NRG1: variants seen among roughly 807,000 people sequenced by gnomAD.
NRG1 encodes the protein pro-neuregulin-1, membrane-bound isoform.
A neutral mutation model predicts 63.8 loss-of-function variants in NRG1; 18 were observed. The observed-to-expected ratio is 0.28, with a 90% confidence interval of 0.19 to 0.42. NRG1 has a LOEUF of 0.42. Ranked by LOEUF, NRG1 falls within the 10% of genes least tolerant of loss-of-function variation. The pLI, the probability that NRG1 is intolerant of heterozygous loss-of-function variation, is 1.00. For missense variants in NRG1, 762 were observed against 814.7 expected (o/e 0.94, Z 0.79); for synonymous variants, 302 against 301.3 (o/e 1.00, Z -0.02).
rs114963048 is a variant in NRG1 at position 31,818,225 on chromosome 8, G to A, written c.37+178794G>A. 2.0e-3 allele frequency among the ~76,000 whole-genome samples: 312 copies of A among 152,268 alleles called. 3 individuals are homozygous for A. Among genetic ancestry groups the A allele is most frequent in the African/African-American group, 7.2e-3 (299 of 41,550 alleles). On this transcript the variant is annotated intron_variant, in intron 1 of 10. Coordinates refer to the NRG1 transcript ENST00000519301. ...CTAGTTTGTGCATACTTATTGTCAG[G>A]TGCTGGGTCAAATTAAATTGGAATG...
intron 1 of NRG1, among the ~76,000 whole-genome samples, chr8:32,039,217 T>C (rs1364029601): frequency 3.9e-5 from 6 of 152,242 alleles, no homozygotes; most frequent in Admixed American, 3.3e-4. Flanking sequence ...AATCAGATAC[T>C]GTACATAAAA....
chr8:32,460,862 A>C (rs906303679), intron 1 of NRG1, among the ~76,000 whole-genome samples: 3 of 152,036 alleles, frequency 2.0e-5, no homozygotes, highest in African/African-American at 7.2e-5. Context: ...AAAGCCAACC[A>C]CTCGTTCTAT....
intron 1 of NRG1, among the ~76,000 whole-genome samples, chr8:31,810,944 T>C (rs897177846): frequency 1.3e-5 from 2 of 152,208 alleles, no homozygotes; most frequent in Non-Finnish European, 2.9e-5. Flanking sequence ...AGTCAGATAA[T>C]TCTTTTCTTT....
chr8:32,088,150 G>T (rs1828558533), intron 1 of NRG1, among the ~76,000 whole-genome samples: 1 of 152,164 alleles, frequency 6.6e-6, no homozygotes, highest in Non-Finnish European at 1.5e-5. Flanking sequence ...AGTACCTCAT[G>T]ATAGCCCTTC....
chr8:31,685,664 C>A (rs923638866), intron 1 of NRG1, among the ~76,000 whole-genome samples: 2 of 152,252 alleles, frequency 1.3e-5, no homozygotes, highest in African/African-American at 4.8e-5. Context: ...CTCCCCATCC[C>A]CCATGTAGTT....
At chr8:32,363,763 CGAAAACTTTAGAATGCAAA>C (rs1807560111) in intron 1 of NRG1, among the ~76,000 whole-genome samples, 1 of 151,590 alleles carries the variant, frequency 6.6e-6, no homozygotes, top group African/African-American at 2.4e-5. Context: ...TCAGAATAGT[CGAAAACTTTAGAATGCAAA>C]GATATCAAAA....
intron 1 of NRG1, among the ~76,000 whole-genome samples, chr8:31,812,549 C>G (rs1405361593): frequency 6.6e-6 from 1 of 151,300 alleles, no homozygotes; most frequent in Admixed American, 6.6e-5. Context: ...TTCCTTTTTT[C>G]TTTCTTCCTT....
intron 1 of NRG1, among the ~76,000 whole-genome samples, chr8:31,731,441 C>G (rs1814053075): frequency 6.6e-6 from 1 of 151,792 alleles, no homozygotes; most frequent in Non-Finnish European, 1.5e-5. Flanking sequence ...CACACACACA[C>G]ACACATTTTA....
chr8:31,887,774 C>A (rs1830835760), intron 1 of NRG1, among the ~76,000 whole-genome samples: 1 of 151,980 alleles, frequency 6.6e-6, no homozygotes, highest in Non-Finnish European at 1.5e-5. Flanking sequence ...TGTTAACCAG[C>A]TATTCTACAA....
At chr8:32,139,880 T>C (rs1440215109) in intron 1 of NRG1, among the ~76,000 whole-genome samples, 1 of 152,194 alleles carries the variant, frequency 6.6e-6, no homozygotes, top group Admixed American at 6.5e-5. Context: ...GGATACAAAG[T>C]AGCTTCTGAA....
intron 1 of NRG1, among the ~76,000 whole-genome samples, chr8:32,231,702 A>G (rs879580428): frequency 1.3e-4 from 19 of 151,882 alleles, no homozygotes; most frequent in Non-Finnish European, 5.9e-5. Context: ...GGAGTTCAAG[A>G]CCAGCCTGAC....
intron 1 of NRG1, chr8:32,139,172 C>G (rs186488738): frequency 8.5e-5 from 13 of 152,266 alleles, no homozygotes; most frequent in Non-Finnish European, 1.8e-4. Context: ...AATTCAGTGC[C>G]TTGGTATGAA....
At chr8:32,491,814 AG>A (rs1395211967) in intron 1 of NRG1, among the ~76,000 whole-genome samples, 2 of 152,156 alleles carry the variant, frequency 1.3e-5, no homozygotes, top group Non-Finnish European at 2.9e-5. Context: ...TCCCTCTTTG[AG>A]GTTTGTGAGG....
chr8:32,756,340 C>A, intron 8 of NRG1, 63 bp from the exon 9 acceptor site: 1 of 1,571,008 alleles, frequency 6.4e-7, no homozygotes. Flanking sequence ...AGAATAAAGA[C>A]TTGGCTCTAC....
chr8:32,306,789 A>G (rs1011815546), intron 1 of NRG1, among the ~76,000 whole-genome samples: 1 of 152,204 alleles, frequency 6.6e-6, no homozygotes, highest in Admixed American at 6.5e-5. Flanking sequence ...TGCTGGTCCA[A>G]ATATTAATTA....
At chr8:32,240,793 G>C (rs1848023582) in intron 1 of NRG1, among the ~76,000 whole-genome samples, 1 of 151,828 alleles carries the variant, frequency 6.6e-6, no homozygotes, top group African/African-American at 2.4e-5. Context: ...GATAAAAAAA[G>C]TTTTGTAAAG....
chr8:31,813,522 T>C (rs1415017659), intron 1 of NRG1, among the ~76,000 whole-genome samples: 120 of 139,776 alleles, frequency 8.6e-4, no homozygotes, highest in African/African-American at 3.0e-3. Flanking sequence ...TTTTCTTTTT[T>C]TTTTTTTTTT....
chr8:32,537,998 C>T (rs1832191688), intron 1 of NRG1, among the ~76,000 whole-genome samples: 1 of 152,076 alleles, frequency 6.6e-6, no homozygotes, highest in Non-Finnish European at 1.5e-5. Context: ...ATAACAAGCA[C>T]GCGCCACCAT....
chr8:31,867,225 G>A (rs1039431132), intron 1 of NRG1, among the ~76,000 whole-genome samples: 1 of 152,126 alleles, frequency 6.6e-6, no homozygotes, highest in African/African-American at 2.4e-5. Context: ...TCTGAATGTG[G>A]TAAGCCACAA....
Sources: allele counts gnomAD v4.1 joint callset (sites outside exome capture counted in the v4.1 genomes callset), GRCh38; gene constraint gnomAD v4.1.1; transcripts MANE v1.5; gene names NCBI Gene and HGNC (gene_info 2026-07-23, HGNC 2026-07-21).